PRRC2B: variants seen among roughly 807,000 people sequenced by gnomAD.
PRRC2B encodes protein PRRC2B.
Under a neutral mutation model 242.3 loss-of-function variants are expected in PRRC2B, and 68 were observed. The observed-to-expected ratio is 0.28, with a 90% confidence interval of 0.23 to 0.34. The LOEUF is 0.34. PRRC2B is among the 10% of genes least tolerant of loss of function. The pLI is 1.00. For missense variants in PRRC2B, 2,835 were observed against 2,954.8 expected, an observed-to-expected ratio of 0.96 and a Z score of 0.94; for synonymous variants, 1,228 against 1,173.6, an observed-to-expected ratio of 1.05 and a Z score of -0.95.
chr9:131,466,788 TTTTGTAC>T (rs1484457383), intron 12 of PRRC2B, among the ~76,000 whole-genome samples: 2 of 151,956 alleles, frequency 1.3e-5, no homozygotes, highest in African/African-American at 4.8e-5. Context: ...CCTGGCTAAT[TTTTGTAC>T]TTTCTTTTTT....
chr9:131,398,381 G>T (rs556412955), intron 1 of PRRC2B, among the ~76,000 whole-genome samples: 2 of 152,256 alleles, frequency 1.3e-5, no homozygotes, highest in Non-Finnish European at 1.5e-5. Context: ...CACCTCCGAG[G>T]TGCTGGCAGC....
At chr9:131,389,919 T>G (rs957672526), upstream of PRRC2B, among the ~76,000 whole-genome samples, 2 of 126,476 alleles carry the variant, frequency 1.6e-5, no homozygotes, top group Admixed American at 8.6e-5. Context: ...ATGGTTGTTT[T>G]TTTTTTTGTT....
At chr9:131,470,227 G>C (rs1402734975) in intron 13 of PRRC2B, among the ~76,000 whole-genome samples, 1 of 152,164 alleles carries the variant, frequency 6.6e-6, no homozygotes, top group Non-Finnish European at 1.5e-5. Context: ...AACACCGTAG[G>C]TCACGAGTAG....
rs183197006 is a variant in PRRC2B at position 131,494,577 on chromosome 9, C to T, written c.6555+91C>T. ...GAAGGGACTGTCCAACCTATCTGAG[C>T]GCCCCCTGTCTAAAGACAGCCATGC... On this transcript the variant is annotated intron_variant, in intron 31 of 31. Transcript: ENST00000683519. This position sits in a 1 kb window ranked among gnomAD's most constrained non-coding sequence, Gnocchi z 4.3. 41 of 697,228 alleles carry T rather than the reference C, an allele frequency of 5.9e-5. No individual in the cohort carries two copies. The highest frequency in any genetic ancestry group is 4.5e-4 in the East Asian group (15 of 33,512). 43.2% of individuals were successfully genotyped at this position (697,228 alleles called of 1,614,324 possible). A position where few individuals can be genotyped will look rare whatever the true frequency, so the allele number is the denominator to read the frequency against.
chr9:131,385,132 C>T (rs181470733), intron 1 of PRRC2B, among the ~76,000 whole-genome samples: 1,991 of 151,088 alleles, frequency 0.013, 49 homozygotes, highest in African/African-American at 0.044. Flanking sequence ...CTCAGCCTCC[C>T]GAGTAGCTGG....
rs1286068518 is a variant in PRRC2B, at chr9:131,444,258, G to C, written c.543G>C (p.Gln181His). The C allele has an allele frequency of 6.2e-7, 1 of 1,613,956 alleles. No individual in the cohort carries two copies. Among genetic ancestry groups the C allele is most frequent in the Non-Finnish European group, 8.5e-7 (1 of 1,179,850 alleles). ...EFPTLKAAGG[Q>H]DKAGKEKGVL... ...CGACGCTGAAAGCAGCTGGAGGGCA[G>C]GACAAGGCTGGCAAAGAAAAGGGCG... Residue 181 changes from glutamine to histidine, a missense_variant, in exon 6 of 32, where the codon CAG becomes CAC. This residue lies in a region of PRRC2B where 626 missense variants were observed against 685.5 expected (regional missense o/e 0.91). Coordinates refer to ENST00000683519, the MANE Select transcript of PRRC2B (RefSeq NM_013318.4).
chr9:131,475,789 C>T lies in PRRC2B; in HGVS notation c.3660C>T (p.Val1220=). Residue 1220 remains valine (V), a synonymous_variant, in exon 16 of 32, where the codon GTC becomes GTT. Coordinates refer to ENST00000683519, the MANE Select transcript of PRRC2B (RefSeq NM_013318.4). ...GCGGGTATGGACGGAGAACCTTCGT[C>T]TCCAAAGAGTCACCCCACTGGCAGA... ...SNCGYGRRTF[V]SKESPHWQSK... 6.2e-7 allele frequency: 1 copy of T among 1,613,280 alleles called. No homozygotes were observed. The highest frequency in any genetic ancestry group is 1.3e-5 in the African/African-American group (1 of 75,050).
intron 1 of PRRC2B, among the ~76,000 whole-genome samples, chr9:131,409,970 A>G (rs1837464876): frequency 6.6e-6 from 1 of 152,236 alleles, no homozygotes; most frequent in Non-Finnish European, 1.5e-5. Flanking sequence ...TGGAAAAGGA[A>G]GGAGTAACTG....
At chr9:131,412,795 C>CT (rs761468315) in intron 1 of PRRC2B, among the ~76,000 whole-genome samples, 1 of 109,860 alleles carries the variant, frequency 9.1e-6, no homozygotes, top group Non-Finnish European at 1.9e-5. Context: ...TTCTCTCTCT[C>CT]TCTTTTTTTT....
At chr9:131,420,736 G>A (rs1416456083) in intron 1 of PRRC2B, among the ~76,000 whole-genome samples, 2 of 151,554 alleles carry the variant, frequency 1.3e-5, no homozygotes, top group South Asian at 4.2e-4. Context: ...GTGCACCTCA[G>A]CCTCCCAAAG....
rs145797040 is a variant in PRRC2B at position 131,388,482 on chromosome 9, C to T, written c.-56+14751C>T. 4.7e-5 allele frequency among the ~76,000 whole-genome samples: 7 copies of T among 149,652 alleles called. 1 individual carries two copies. The highest frequency in any genetic ancestry group is 4.0e-4 in the East Asian group (2 of 5,000). ...CTTGAACTCCCAACCTCAGGTGATCCGCGCACCTCGGACTCCCAAAGTGCT... is the reference window on the plus strand; with the variant it reads ...CTTGAACTCCCAACCTCAGGTGATCTGCGCACCTCGGACTCCCAAAGTGCT... On this transcript the variant is annotated intron_variant, in intron 1 of 1. Coordinates refer to the PRRC2B transcript ENST00000682525.
intron 11 of PRRC2B, among the ~76,000 whole-genome samples, chr9:131,463,790 C>T (rs565568137): frequency 2.5e-3 from 384 of 151,842 alleles, no homozygotes; most frequent in African/African-American, 8.8e-3. Flanking sequence ...AACTAATTTT[C>T]GTATTTTTTT....
chr9:131,447,255 G>A (rs1295284694), intron 8 of PRRC2B, 49 bp downstream of exon 8: 1 of 1,605,194 alleles, frequency 6.2e-7, no homozygotes, highest in South Asian at 1.1e-5. Context: ...GTGCGGTGGT[G>A]ATTCTGGTCA....
chr9:131,457,244 A>C (rs1943108739), intron 10 of PRRC2B, among the ~76,000 whole-genome samples: 1 of 152,234 alleles, frequency 6.6e-6, no homozygotes, highest in Admixed American at 6.5e-5. Context: ...CCTATGGGTC[A>C]GTTCCTGGAA....
At chr9:131,448,772 G>C (rs1564287407) in intron 9 of PRRC2B, among the ~76,000 whole-genome samples, 1 of 151,598 alleles carries the variant, frequency 6.6e-6, no homozygotes. Flanking sequence ...CCCCCAACCT[G>C]ATTATTTTCT....
intron 10 of PRRC2B, among the ~76,000 whole-genome samples, chr9:131,456,161 A>C (rs1334924768): frequency 6.6e-6 from 1 of 151,168 alleles, no homozygotes; most frequent in African/African-American, 2.4e-5. Context: ...GTGAAGAAGC[A>C]GAATGCATGC....
At position 131,445,414 on chromosome 9, in the gene PRRC2B, C is replaced by T. The variant is rs983870437; in HGVS notation, c.614-987C>T. On this transcript the variant is annotated intron_variant, in intron 6 of 31. Transcript: ENST00000683519. ...CCTCAGGTGATCCGCCTGTCTCAGC[C>T]TCCCAAAGTGCTGGGATTACAGGCG... Among the ~76,000 whole-genome samples, 28 of 152,348 alleles carry T rather than the reference C, an allele frequency of 1.8e-4. 1 individual carries two copies. The South Asian group carries it at 2.9e-3, about 16-fold the overall frequency.
intron 1 of PRRC2B, among the ~76,000 whole-genome samples, chr9:131,399,395 C>A (rs375373066): frequency 2.0e-5 from 3 of 151,016 alleles, no homozygotes; most frequent in African/African-American, 7.3e-5. Flanking sequence ...CTGGCTAACA[C>A]GATGAAACCC....
At chr9:131,470,404 G>T (rs1238960118) in intron 13 of PRRC2B, among the ~76,000 whole-genome samples, 1 of 152,154 alleles carries the variant, frequency 6.6e-6, no homozygotes, top group Non-Finnish European at 1.5e-5. Flanking sequence ...AGGGATGCTG[G>T]TGTATTATTT....
Sources: gnomAD v4.1 joint callset for allele counts (sites outside exome capture counted in the v4.1 genomes callset) on GRCh38, gnomAD v4.1.1 for gene constraint, gnomAD v4.1.1 regional missense constraint, Gnocchi (gnomAD v3.1) non-coding constraint, MANE v1.5 for transcripts, NCBI Gene and HGNC (gene_info 2026-07-23, HGNC 2026-07-21) for gene names.